The following NXPH1 variants were observed in gnomAD, a reference collection of about 807,000 sequenced individuals.
The protein encoded by NXPH1 is neurexophilin-1.
In NXPH1, 5 loss-of-function variants were observed where a neutral mutation model predicts 23.7. The ratio of observed to expected loss-of-function variants is 0.21; its 90% CI spans 0.11 to 0.44. The LOEUF (loss-of-function observed/expected upper bound fraction) is 0.44. Among genes scored for constraint, NXPH1 ranks in the 20% least tolerant of loss-of-function variants. The pLI is 0.99. For missense variants in NXPH1, 324 were observed against 321.6 expected (o/e 1.01, Z -0.06); for synonymous variants, 144 against 122.2 (o/e 1.18, Z -1.18).
intron 2 of NXPH1, among the ~76,000 whole-genome samples, chr7:8,447,918 G>A (rs956385526): frequency 6.6e-6 from 1 of 152,182 alleles, no homozygotes; most frequent in Non-Finnish European, 1.5e-5. Context: ...TTCCAGCCAG[G>A]TGGATAATAT....
intron 2 of NXPH1, among the ~76,000 whole-genome samples, chr7:8,587,655 G>A (rs765782926): frequency 1.3e-5 from 2 of 151,946 alleles, no homozygotes; most frequent in Non-Finnish European, 2.9e-5. Flanking sequence ...CGCCCAACAG[G>A]CCCCAGTGTG....
At chr7:8,732,152 T>C (rs1401951631) in intron 2 of NXPH1, among the ~76,000 whole-genome samples, 1 of 152,266 alleles carries the variant, frequency 6.6e-6, no homozygotes, top group Non-Finnish European at 1.5e-5. Context: ...GGGAACTCCC[T>C]GACCCCTTGC....
chr7:8,446,380 C>G (rs1240839162), intron 2 of NXPH1, among the ~76,000 whole-genome samples: 1 of 151,990 alleles, frequency 6.6e-6, no homozygotes, highest in African/African-American at 2.4e-5. Context: ...TCTTAACTTA[C>G]CAGATACAAA....
intron 2 of NXPH1, among the ~76,000 whole-genome samples, chr7:8,649,796 GAAT>G (rs1820461798): frequency 6.6e-6 from 1 of 152,050 alleles, no homozygotes; most frequent in Admixed American, 6.5e-5. Context: ...TTACTTTGCA[GAAT>G]AAACACTAGT....
intron 2 of NXPH1, among the ~76,000 whole-genome samples, chr7:8,646,418 T>C (rs1820400938): frequency 6.6e-6 from 1 of 152,168 alleles, no homozygotes; most frequent in Non-Finnish European, 1.5e-5. Context: ...GTAATGACAA[T>C]ATTATTTCTT....
chr7:8,493,732 T>C (rs1817289887), intron 2 of NXPH1, among the ~76,000 whole-genome samples: 1 of 151,986 alleles, frequency 6.6e-6, no homozygotes, highest in Non-Finnish European at 1.5e-5. Context: ...GTCAAGAAAA[T>C]GTTCCAGTGG....
intron 2 of NXPH1, among the ~76,000 whole-genome samples, chr7:8,494,148 T>G (rs895835822): frequency 6.6e-6 from 1 of 151,664 alleles, no homozygotes; most frequent in Non-Finnish European, 1.5e-5. Flanking sequence ...CTCTGTTTTC[T>G]AACTTGATTT....
intron 2 of NXPH1, among the ~76,000 whole-genome samples, chr7:8,684,639 G>A (rs1821117982): frequency 6.6e-6 from 1 of 152,082 alleles, no homozygotes; most frequent in South Asian, 2.1e-4. Flanking sequence ...TGTTTGGAGA[G>A]GTTTTACTTT....
chr7:8,578,686 TTCAC>T, intron 2 of NXPH1, among the ~76,000 whole-genome samples: 1 of 152,180 alleles, frequency 6.6e-6, no homozygotes, highest in Non-Finnish European at 1.5e-5. Context: ...AGTCTCTGTT[TTCAC>T]TGAAGAGGGG....
intron 2 of NXPH1, among the ~76,000 whole-genome samples, chr7:8,450,658 G>A (rs1244570571): frequency 1.3e-5 from 2 of 152,234 alleles, no homozygotes; most frequent in African/African-American, 2.4e-5. Flanking sequence ...CCTTGGGAGA[G>A]CTTAGTTATG....
In NXPH1 at chr7:8,527,948, AT is replaced by A. The variant is rs1328164058; in HGVS notation, c.54+92184del. ...ACATGCTATCTATTTCTAATTGATCATTTGGTAGAAAAGAGTTTCCTCGGGA... is the reference window on the plus strand; with the variant it reads ...ACATGCTATCTATTTCTAATTGATCATTGGTAGAAAAGAGTTTCCTCGGGA... On this transcript the variant is annotated intron_variant, in intron 2 of 2. Transcript: ENST00000405863. 2.0e-5 allele frequency among the ~76,000 whole-genome samples: 3 copies of A among 152,342 alleles called. No individual in the cohort carries two copies. In the East Asian group the frequency reaches 5.8e-4, roughly 29 times the overall value.
intron 2 of NXPH1, among the ~76,000 whole-genome samples, chr7:8,471,475 T>C (rs1816870690): frequency 6.6e-6 from 1 of 152,118 alleles, no homozygotes. Flanking sequence ...TTCTGCTACT[T>C]AAGATGGGGA....
At chr7:8,701,987 T>G (rs1425748192) in intron 2 of NXPH1, among the ~76,000 whole-genome samples, 1 of 151,900 alleles carries the variant, frequency 6.6e-6, no homozygotes, top group Non-Finnish European at 1.5e-5. Context: ...AATGTACCAA[T>G]TTATCTGTTA....
At chr7:8,557,009 T>C (rs1818368252) in intron 2 of NXPH1, among the ~76,000 whole-genome samples, 1 of 151,708 alleles carries the variant, frequency 6.6e-6, no homozygotes, top group Non-Finnish European at 1.5e-5. Flanking sequence ...GGATATGAAT[T>C]GAAGTCGTCT....
chr7:8,677,314 T>A (rs1820966320), intron 2 of NXPH1, among the ~76,000 whole-genome samples: 1 of 152,206 alleles, frequency 6.6e-6, no homozygotes, highest in African/African-American at 2.4e-5. Flanking sequence ...CTTAGAAAGT[T>A]AATGTTTTAG....
At position 8,434,596 on chromosome 7, in the gene NXPH1, A is replaced by C. The variant is rs992272095; in HGVS notation, c.-270A>C. On this transcript the variant is annotated 5_prime_UTR_variant, in exon 1 of 3. Coordinates refer to ENST00000405863, the MANE Select transcript of NXPH1 (RefSeq NM_152745.3). This position sits in a 1 kb window ranked among gnomAD's most constrained non-coding sequence, Gnocchi z 7.6. ...GGGCACTGGGACGGCGACTCCGCCA[A>C]AGCTGGACGAGGCAGCCGGACCCGT... The C allele has an allele frequency of 5.9e-5, 9 of 152,778 alleles. No individual in the cohort carries two copies. Among genetic ancestry groups the C allele is most frequent in the African/African-American group, 2.2e-4 (9 of 41,470 alleles). 9.5% of individuals were successfully genotyped at this position (152,778 alleles called of 1,614,324 possible). A position where few individuals can be genotyped will look rare whatever the true frequency, so the allele number is the denominator to read the frequency against.
chr7:8,653,509 C>G (rs2115154336), intron 2 of NXPH1, among the ~76,000 whole-genome samples: 1 of 152,246 alleles, frequency 6.6e-6, no homozygotes, highest in East Asian at 1.9e-4. Flanking sequence ...ACTTTAAACC[C>G]TTTTGTATAT....
intron 2 of NXPH1, among the ~76,000 whole-genome samples, chr7:8,658,218 A>G (rs1461078141): frequency 6.6e-6 from 1 of 152,238 alleles, no homozygotes; most frequent in African/African-American, 2.4e-5. Context: ...AATTAGGCTT[A>G]ACACTTATAT....
chr7:8,450,713 C>T (rs181219855), intron 2 of NXPH1, among the ~76,000 whole-genome samples: 11 of 152,344 alleles, frequency 7.2e-5, no homozygotes, highest in Non-Finnish European at 8.8e-5. Flanking sequence ...GCAGTATCAT[C>T]TTTCACCTTT....
Sources: gnomAD v4.1 joint callset for allele counts (sites outside exome capture counted in the v4.1 genomes callset) on GRCh38, gnomAD v4.1.1 for gene constraint, Gnocchi (gnomAD v3.1) non-coding constraint, MANE v1.5 for transcripts, NCBI Gene and HGNC (gene_info 2026-07-23, HGNC 2026-07-21) for gene names.